The following CPE variants were observed in gnomAD, a reference collection of about 807,000 sequenced individuals.
CPE encodes carbocypeptidase E.
In CPE, 17 loss-of-function variants were observed where a neutral mutation model predicts 53.5. The ratio of observed to expected loss-of-function variants is 0.32; its 90% CI spans 0.22 to 0.48. The LOEUF (loss-of-function observed/expected upper bound fraction) is 0.48. Ranked by LOEUF, CPE falls within the 20% of genes least tolerant of loss-of-function variation. CPE has a pLI of 0.99. For synonymous variants in CPE, 226 were observed against 228.8 expected (o/e 0.99, Z 0.11); for missense variants, 524 against 614.7 (o/e 0.85, Z 1.56).
intron 1 of CPE, among the ~76,000 whole-genome samples, chr4:165,393,465 A>G (rs953808730): frequency 6.6e-6 from 1 of 151,542 alleles, no homozygotes; most frequent in African/African-American, 2.4e-5. Context: ...ATTGTGAAAC[A>G]TTAGAATTAT....
intron 1 of CPE, among the ~76,000 whole-genome samples, chr4:165,402,119 C>A (rs1381553728): frequency 6.6e-6 from 1 of 152,108 alleles, no homozygotes; most frequent in Non-Finnish European, 1.5e-5. Context: ...TGTAATAAAG[C>A]TTCTTTATGG....
chr4:165,484,604 G>A lies in CPE; in HGVS notation c.973G>A (p.Gly325Arg), dbSNP rs1033233885. The change falls in exon 5 of 9, where the codon GGG (glycine) becomes AGG (arginine). Residue 325 changes from glycine to arginine, a missense_variant and splice_region_variant. Transcript: ENST00000402744. Reference protein sequence around the residue: ...NGGAWYSVPGGMQDFNYLSSN... With the variant: ...NGGAWYSVPGRMQDFNYLSSN... ...TGGTGCTTGGTACAGCGTACCTGGA[G>A]GTGAGTTTCCATTGTGCTCTCTGAT... 6.2e-7 allele frequency: 1 copy of A among 1,612,672 alleles called. No homozygotes were observed. Among genetic ancestry groups the A allele is most frequent in the Admixed American group, 1.7e-5 (1 of 59,910 alleles).
intron 1 of CPE, among the ~76,000 whole-genome samples, chr4:165,453,332 TTTCCTTCCTTCC>T (rs1267517278): frequency 6.7e-6 from 1 of 149,458 alleles, no homozygotes; most frequent in Non-Finnish European, 1.5e-5. Context: ...TCCTTCCTTC[TTTCCTTCCTTCC>T]TTCCTTCCTT....
chr4:165,481,486 T>A (rs191036452), intron 3 of CPE, among the ~76,000 whole-genome samples: 1 of 152,322 alleles, frequency 6.6e-6, no homozygotes, highest in Admixed American at 6.5e-5. Context: ...CACTTGGGGT[T>A]TGAGAGTCTT....
intron 1 of CPE, among the ~76,000 whole-genome samples, chr4:165,441,577 C>T (rs4691196): frequency 0.61 from 92,041 of 151,990 alleles, 28,459 homozygotes; most frequent in East Asian, 0.74. Flanking sequence ...GCATTTTCCA[C>T]GAGATCCTGG....
intron 1 of CPE, among the ~76,000 whole-genome samples, chr4:165,412,588 A>T (rs1405059093): frequency 6.6e-6 from 1 of 152,174 alleles, no homozygotes; most frequent in Non-Finnish European, 1.5e-5. Flanking sequence ...CTGGGGAGTA[A>T]GGTTTGAAAT....
At chr4:165,392,644 A>G (rs1463991453) in intron 1 of CPE, among the ~76,000 whole-genome samples, 1 of 146,766 alleles carries the variant, frequency 6.8e-6, no homozygotes, top group Non-Finnish European at 1.5e-5. Flanking sequence ...TTATAAATAT[A>G]ATGAAATGTT....
chr4:165,482,877 G>A (rs2126711711), intron 4 of CPE, among the ~76,000 whole-genome samples: 1 of 152,326 alleles, frequency 6.6e-6, no homozygotes, highest in South Asian at 2.1e-4. Context: ...TTCAGACAAA[G>A]CAAGCTTTAG....
At chr4:165,380,754 G>A (rs1730494811) in intron 1 of CPE, among the ~76,000 whole-genome samples, 1 of 152,080 alleles carries the variant, frequency 6.6e-6, no homozygotes, top group Admixed American at 6.5e-5. Context: ...AAATCTTCAG[G>A]AAATATTTCT....
At chr4:165,380,759 A>G (rs897968337) in intron 1 of CPE, among the ~76,000 whole-genome samples, 10 of 152,200 alleles carry the variant, frequency 6.6e-5, no homozygotes, top group Non-Finnish European at 1.3e-4. Context: ...TTCAGGAAAT[A>G]TTTCTTACCT....
chr4:165,473,341 T>G (rs978246334), intron 3 of CPE, among the ~76,000 whole-genome samples: 3 of 152,152 alleles, frequency 2.0e-5, no homozygotes, highest in African/African-American at 7.2e-5. Context: ...TACCTCCTCT[T>G]TCTCTTTATA....
At chr4:165,490,083 T>C (rs1732574207) in intron 6 of CPE, among the ~76,000 whole-genome samples, 1 of 152,226 alleles carries the variant, frequency 6.6e-6, no homozygotes, top group Non-Finnish European at 1.5e-5. Context: ...TTGACAATGG[T>C]GGTGATTAGT....
At chr4:165,447,059 G>C (rs1731728813) in intron 1 of CPE, among the ~76,000 whole-genome samples, 1 of 152,146 alleles carries the variant, frequency 6.6e-6, no homozygotes, top group African/African-American at 2.4e-5. Context: ...ACATTGGTAA[G>C]CATTTGTATA....
In CPE at chr4:165,467,693, T is replaced by A. The variant is rs372224022; in HGVS notation, c.510T>A (p.Gly170=). The change falls in exon 3 of 9, where the codon GGT becomes GGA. Residue 170 remains glycine (G), a synonymous_variant. Coordinates refer to ENST00000402744, the MANE Select transcript of CPE (RefSeq NM_001873.4). Reference sequence around the variant, plus strand: ...TTTGACTTTTTTTTTTTTAGCCTGGTGAACTCAAGGACTGGTTTGTGGGTC... The same window carrying A: ...TTTGACTTTTTTTTTTTTAGCCTGGAGAACTCAAGGACTGGTTTGTGGGTC... The part of the protein sequence containing the change: ...DGFEKAASQP[G]ELKDWFVGRS... The A allele has an allele frequency of 1.1e-5, 18 of 1,573,410 alleles. No individual in the cohort carries two copies. The highest frequency in any genetic ancestry group is 1.5e-5 in the Non-Finnish European group (18 of 1,165,798).
chr4:165,481,016 A>ATT (rs11421146), intron 3 of CPE, among the ~76,000 whole-genome samples: 90 of 110,990 alleles, frequency 8.1e-4, no homozygotes, highest in South Asian at 3.5e-3. Flanking sequence ...ATATATATAT[A>ATT]TTTTTTTTTT....
In CPE at chr4:165,406,129, G is replaced by A. The variant is rs1730949542; in HGVS notation, c.307+26601G>A. On this transcript the variant is annotated intron_variant, in intron 1 of 8. Coordinates refer to ENST00000402744, the MANE Select transcript of CPE (RefSeq NM_001873.4). Reference sequence around the variant, plus strand: ...CCCAGATTTCATTCATAACTTCCGTGAACTCTGAATGCAGCTGTTTGTTTA... The same window carrying A: ...CCCAGATTTCATTCATAACTTCCGTAAACTCTGAATGCAGCTGTTTGTTTA... The A allele has an allele frequency of 2.3e-5, 17 of 752,684 alleles. 1 individual carries two copies. In the South Asian group the frequency reaches 2.3e-4, roughly 10 times the overall value. 46.6% of individuals were successfully genotyped at this position (752,684 alleles called of 1,614,324 possible). A position where few individuals can be genotyped will look rare whatever the true frequency, so the allele number is the denominator to read the frequency against.
intron 1 of CPE, among the ~76,000 whole-genome samples, chr4:165,438,910 C>T (rs1731556816): frequency 1.3e-5 from 2 of 152,122 alleles, no homozygotes. Context: ...GCATAGTTCA[C>T]CTCTAGTTCT....
chr4:165,414,669 A>T (rs1016977694), intron 1 of CPE, among the ~76,000 whole-genome samples: 2 of 151,134 alleles, frequency 1.3e-5, no homozygotes, highest in African/African-American at 4.9e-5. Flanking sequence ...GATAACGTAG[A>T]TATAGAGATA....
chr4:165,393,200 T>G (rs1455056748), intron 1 of CPE, among the ~76,000 whole-genome samples: 1 of 152,144 alleles, frequency 6.6e-6, no homozygotes, highest in Non-Finnish European at 1.5e-5. Context: ...CAATGTCATT[T>G]GAGTTATTGA....
Sources: gnomAD v4.1 joint callset for allele counts (sites outside exome capture counted in the v4.1 genomes callset) on GRCh38, gnomAD v4.1.1 for gene constraint, MANE v1.5 for transcripts, NCBI Gene and HGNC (gene_info 2026-07-23, HGNC 2026-07-21) for gene names.